Variants in IDO1 observed in about 807,000 individuals in gnomAD.
IDO1 encodes indoleamine 2,3-dioxygenase 1.
In IDO1, 35 loss-of-function variants were observed where a neutral mutation model predicts 38.8. That is an observed-to-expected ratio of 0.90 (90% CI 0.69 to 1.20). The LOEUF is 1.20. Among genes scored for constraint, IDO1 ranks in the 50% most tolerant of loss-of-function variants. The pLI is 0.00. For missense variants in IDO1, 509 were observed against 485.1 expected (o/e 1.05, Z -0.46); for synonymous variants, 171 against 170.0 (o/e 1.01, Z -0.05).
intron 1 of IDO1, among the ~76,000 whole-genome samples, chr8:39,917,001 C>T (rs1807183005): frequency 1.3e-5 from 2 of 152,108 alleles, no homozygotes; most frequent in Non-Finnish European, 2.9e-5. Context: ...ACAATAAACT[C>T]GATATACAAA....
chr8:39,925,064 C>T (rs143190992), intron 8 of IDO1, among the ~76,000 whole-genome samples, 159 bp from the exon 9 acceptor site: 1 of 152,132 alleles, frequency 6.6e-6, no homozygotes, highest in African/African-American at 2.4e-5. Flanking sequence ...TTACTATTCT[C>T]ATGCTTGAAA....
chr8:39,928,182 T>G lies in IDO1; in HGVS notation c.1209T>G (p.Gly403=). The G allele has an allele frequency of 6.2e-7, 1 of 1,602,976 alleles. No homozygotes were observed. The highest frequency in any genetic ancestry group is 1.3e-5 in the African/African-American group (1 of 74,690). The change falls in exon 10 of 10, where the codon GGT becomes GGG. Residue 403 remains glycine (G), a synonymous_variant. Coordinates refer to ENST00000518237, the MANE Select transcript of IDO1 (RefSeq NM_002164.6). ...CTGAGAAATCCCTTTTGAAGGAAGGTTAATGTAACCCAACAAGAGCACATT... is the reference window on the plus strand; with the variant it reads ...CTGAGAAATCCCTTTTGAAGGAAGGGTAATGTAACCCAACAAGAGCACATT... ...STTEKSLLKE[G]
intron 1 of IDO1, among the ~76,000 whole-genome samples, chr8:39,917,178 AAAGAACTTAAAATCTAGCC>A (rs1238318604): frequency 6.6e-6 from 1 of 152,200 alleles, no homozygotes; most frequent in Admixed American, 6.5e-5. Flanking sequence ...CCTTCCATTC[AAAGAACTTAAAATCTAGCC>A]AAGATAAACC....
intron 4 of IDO1, 80 bp from the exon 5 acceptor site, chr8:39,920,020 C>T (rs1479186760): frequency 8.2e-7 from 1 of 1,213,980 alleles, no homozygotes; most frequent in East Asian, 2.3e-5. Context: ...CAAATAGCAA[C>T]AACTCATCAT....
At chr8:39,917,022 T>C (rs1213186744) in intron 1 of IDO1, among the ~76,000 whole-genome samples, 2 of 152,236 alleles carry the variant, frequency 1.3e-5, no homozygotes, top group Non-Finnish European at 2.9e-5. Flanking sequence ...AATCGTTATG[T>C]AAACTGTATA....
rs748288673 is a variant in IDO1, at chr8:39,918,224, A to G, written c.303+17A>G. On this transcript the variant is annotated intron_variant, in intron 3 of 9. Transcript: ENST00000518237. ...GTCCGTAAGGTTTGGAGATTTTCTC[A>G]GATTTCTTATGCTATGTGACAGATT... 14 of 1,597,696 alleles carry G rather than the reference A, an allele frequency of 8.8e-6. No individual in the cohort carries two copies. The highest frequency in any genetic ancestry group is 1.2e-5 in the Non-Finnish European group (14 of 1,168,314).
At chr8:39,920,209 T>A in intron 5 of IDO1, 95 bp downstream of exon 5, 2 of 982,160 alleles carry the variant, frequency 2.0e-6, no homozygotes, top group South Asian at 3.1e-5. Flanking sequence ...TTTTAAATGA[T>A]TAATTGAATT....
chr8:39,916,933 A>G (rs1247212891), intron 1 of IDO1, among the ~76,000 whole-genome samples: 1 of 152,252 alleles, frequency 6.6e-6, no homozygotes, highest in Non-Finnish European at 1.5e-5. Flanking sequence ...ATGGTGAAAC[A>G]TAGAATAAAA....
chr8:39,928,166 C>A lies in IDO1; in HGVS notation c.1193C>A (p.Ser398Tyr). ...ACTGTAAGAAGTACAACTGAGAAAT[C>A]CCTTTTGAAGGAAGGTTAATGTAAC... is the stretch of plus-strand genomic sequence containing the variant. ...LKTVRSTTEK[S>Y]LLKEG Residue 398 changes from serine (S) to tyrosine (Y), a missense_variant, in exon 10 of 10, where the codon TCC (serine) becomes TAC (tyrosine). Physicochemically the swap from Ser to Tyr is moderately radical, Grantham distance 144. Coordinates refer to ENST00000518237, the MANE Select transcript of IDO1 (RefSeq NM_002164.6). 1 of 1,610,434 alleles carries A rather than the reference C, an allele frequency of 6.2e-7. No individual in the cohort carries two copies. The highest frequency in any genetic ancestry group is 8.5e-7 in the Non-Finnish European group (1 of 1,178,152).
chr8:39,923,437 T>C, intron 6 of IDO1, 32 bp from the exon 7 acceptor site: 2 of 1,262,752 alleles, frequency 1.6e-6, no homozygotes, highest in Non-Finnish European at 1.1e-6. Context: ...AAAGAAAACC[T>C]TAAATGTTTG....
intron 9 of IDO1, among the ~76,000 whole-genome samples, chr8:39,926,764 G>A (rs1324216767): frequency 6.6e-6 from 1 of 152,008 alleles, no homozygotes; most frequent in African/African-American, 2.4e-5. Context: ...GCTGATGTTT[G>A]GGCTTCTAAT....
At chr8:39,919,978 C>G (rs1438281437) in intron 4 of IDO1, 122 bp from the exon 5 acceptor site, 1 of 829,170 alleles carries the variant, frequency 1.2e-6, no homozygotes, top group Non-Finnish European at 2.1e-6. Flanking sequence ...TTTCTTTTTA[C>G]CTATGTCTTA....
intron 8 of IDO1, 54 bp downstream of exon 8, chr8:39,924,826 C>T (rs1807335491): frequency 3.8e-6 from 5 of 1,304,952 alleles, no homozygotes; most frequent in Admixed American, 1.9e-5. Context: ...AGAACACCAC[C>T]AAATTCTCTT....
chr8:39,928,404 G>T lies in IDO1; in HGVS notation c.*219G>T. ...TTTTGTAATCTGTATCTTATCATTG[G>T]AATAAAATGACATTCAATAAATAAA... is the stretch of plus-strand genomic sequence containing the variant. On this transcript the variant is annotated 3_prime_UTR_variant, in exon 10 of 10. Coordinates refer to ENST00000518237, the MANE Select transcript of IDO1 (RefSeq NM_002164.6). 1 of 450,670 alleles carries T rather than the reference G, an allele frequency of 2.2e-6. No individual in the cohort carries two copies. The highest frequency in any genetic ancestry group is 3.9e-6 in the Non-Finnish European group (1 of 254,522). 27.9% of individuals were successfully genotyped at this position (450,670 alleles called of 1,614,324 possible).
intron 9 of IDO1, 146 bp downstream of exon 9, chr8:39,925,517 G>A: frequency 1.2e-6 from 1 of 804,694 alleles, no homozygotes; most frequent in Non-Finnish European, 1.9e-6. Flanking sequence ...TGGTTGCCAT[G>A]ATCCCATTTT....
chr8:39,922,812 A>T (rs567778126), intron 6 of IDO1, 161 bp downstream of exon 6: 212 of 620,448 alleles, frequency 3.4e-4, no homozygotes, highest in African/African-American at 3.1e-3. Context: ...ATTTTTGTGT[A>T]TTACCTAAAA....
intron 1 of IDO1, among the ~76,000 whole-genome samples, chr8:39,915,182 G>A (rs557678059): frequency 6.6e-6 from 1 of 152,294 alleles, no homozygotes; most frequent in Non-Finnish European, 1.5e-5. Context: ...TAAGCAGCCT[G>A]TCTCCAGAGT....
chr8:39,919,091 G>A (rs760964868), intron 4 of IDO1, 158 bp downstream of exon 4: 1 of 749,642 alleles, frequency 1.3e-6, no homozygotes, highest in South Asian at 1.4e-5. Context: ...TTGGACTGCT[G>A]TGTCTACCAC....
intron 9 of IDO1, among the ~76,000 whole-genome samples, chr8:39,927,559 CAAA>C (rs1275800487): frequency 6.5e-5 from 4 of 61,310 alleles, no homozygotes; most frequent in Admixed American, 1.8e-4. Context: ...GACTCTGTCT[CAAA>C]AAAAAAAAAA....
Sources: gnomAD v4.1 joint callset for allele counts (sites outside exome capture counted in the v4.1 genomes callset) on GRCh38, gnomAD v4.1.1 for gene constraint, MANE v1.5 for transcripts, NCBI Gene and HGNC (gene_info 2026-07-23, HGNC 2026-07-21) for gene names.